Variants in TTN observed in about 807,000 individuals in gnomAD.
TTN encodes connectin.
TTN carries 1,525 observed loss-of-function variants against 3,223.0 expected under a neutral mutation model. The observed-to-expected ratio is 0.47, with a 90% CI of 0.45 to 0.49. The LOEUF (loss-of-function observed/expected upper bound fraction) is 0.49. TTN is among the 20% of genes least tolerant of loss of function. The pLI is 0.00. For missense variants in TTN, 40,786 were observed against 43,424.0 expected, an observed-to-expected ratio of 0.94 and a Z score of 5.40; for synonymous variants, 14,094 against 15,161.0, an observed-to-expected ratio of 0.93 and a Z score of 5.17.
rs2058757156 is a variant in TTN, at chr2:178,624,612, T to C, written c.44668A>G (p.Thr14890Ala). The change falls in exon 242 of 363, where the codon ACA (threonine) becomes GCA (alanine). Residue 14890 changes from threonine (T) to alanine (A), a missense_variant. Thr to Ala is a moderately conservative substitution (Grantham distance 58, BLOSUM62 0). Coordinates refer to ENST00000589042, the MANE Select transcript of TTN (RefSeq NM_001267550.2). ...NAKVKWFKNG[T>A]EILKSKKYEI... The stretch of plus-strand genomic sequence containing the variant: ...TACTTCTTGCTTTTGAGGATTTCTG[T>C]CCCATTTTTGAACCATTTCACCTTA... The C allele has an allele frequency of 6.2e-7, 1 of 1,612,574 alleles. No individual in the cohort carries two copies. Among genetic ancestry groups the C allele is most frequent in the East Asian group, 2.2e-5 (1 of 44,692 alleles).
At position 178,571,686 on chromosome 2, in the gene TTN, C is replaced by T. The variant is rs1304130047; in HGVS notation, c.74446G>A (p.Val24816Ile). 6.2e-7 allele frequency: 1 copy of T among 1,613,500 alleles called. No homozygotes were observed. The highest frequency in any genetic ancestry group is 2.2e-5 in the East Asian group (1 of 44,798). The change falls in exon 326 of 363, where the codon GTT becomes ATT. Residue 24816 changes from valine to isoleucine, a missense_variant. Coordinates refer to ENST00000589042, the MANE Select transcript of TTN (RefSeq NM_001267550.2). ...LDKPGPPTGP[V>I]KMDEVTADSI... ...TCAGCTGTCACTTCATCCATTTTAA[C>T]TGGTCCAGTTGGAGGCCCTGGTTTG...
intron 47 of TTN, among the ~76,000 whole-genome samples, chr2:178,742,149 T>C (rs1263512062): frequency 6.6e-6 from 1 of 152,124 alleles, no homozygotes; most frequent in Non-Finnish European, 1.5e-5. Context: ...TTTGATCCAC[T>C]TCATCTGTGA....
intron 159 of TTN, 59 bp downstream of exon 159, chr2:178,669,313 CA>C: frequency 7.4e-7 from 1 of 1,351,324 alleles, no homozygotes; most frequent in African/African-American, 1.5e-5. Flanking sequence ...AAAAGACAAA[CA>C]TAGTGAATTT....
chr2:178,779,522 A>G (rs1574710807), intron 22 of TTN, 60 bp from the exon 23 acceptor site: 1 of 1,114,672 alleles, frequency 9.0e-7, no homozygotes. Flanking sequence ...AAATTATTTA[A>G]GGAGATGTAT....
At position 178,705,219 on chromosome 2, in the gene TTN, T is replaced by G. The variant is rs878976342; in HGVS notation, c.29559A>C (p.Ala9853=). 2 of 1,613,692 alleles carry G rather than the reference T, an allele frequency of 1.2e-6. No homozygotes were observed. The highest frequency in any genetic ancestry group is 1.7e-6 in the Non-Finnish European group (2 of 1,179,772). The change falls in exon 103 of 363, where the codon GCA becomes GCC. Residue 9853 remains alanine, a synonymous_variant. Transcript: ENST00000589042. ...GITDFRGLLQ[A]FELLKQSQEE... is the part of the protein sequence containing the mutation. ...CTTGGCTTTGCTTGAGCAGTTCAAATGCTTGAAGAAGACCTCGGAAGTCAG... is the reference window on the plus strand; with the variant it reads ...CTTGGCTTTGCTTGAGCAGTTCAAAGGCTTGAAGAAGACCTCGGAAGTCAG...
chr2:178,660,334 T>C (rs2064457213), intron 180 of TTN, among the ~76,000 whole-genome samples: 3 of 20,152 alleles, frequency 1.5e-4, no homozygotes, highest in Middle Eastern at 6.5e-3. Flanking sequence ...AACAGAGATA[T>C]AGACCAATGG....
At chr2:178,594,292 C>T (rs772841893) in intron 296 of TTN, 50 bp from the exon 297 acceptor site, 3 of 1,594,304 alleles carry the variant, frequency 1.9e-6, no homozygotes, top group East Asian at 4.5e-5. Context: ...TGTCTTATTA[C>T]AAATCTACAA....
At chr2:178,734,021 A>G in intron 52 of TTN, 129 bp from the exon 53 acceptor site, 1 of 961,582 alleles carries the variant, frequency 1.0e-6, no homozygotes, top group Non-Finnish European at 1.4e-6. Context: ...TGTTAATTAG[A>G]AGAAGAAATA....
In TTN at chr2:178,590,427, C is replaced by A. The variant is rs1475658626; in HGVS notation, c.61298G>T (p.Arg20433Met). 1 of 1,611,942 alleles carries A rather than the reference C, an allele frequency of 6.2e-7. No individual in the cohort carries two copies. The highest frequency in any genetic ancestry group is 8.5e-7 in the Non-Finnish European group (1 of 1,179,062). The part of the protein sequence containing the change: ...KDELIRQCAF[R>M]VPGLIEGNEY... The stretch of plus-strand genomic sequence containing the variant: ...ATTTCCTTCAATTAGTCCAGGTACC[C>A]TAAAGGCACATTGCCTAATGAGTTC... Residue 20433 changes from arginine (R) to methionine (M), a missense_variant, in exon 304 of 363, where the codon AGG (arginine) becomes ATG (methionine). Physicochemically the swap from Arg to Met is moderately conservative, Grantham distance 91. Transcript: ENST00000589042.
chr2:178,764,325 T>G, intron 42 of TTN, 23 bp from the exon 43 acceptor site: 1 of 1,613,486 alleles, frequency 6.2e-7, no homozygotes, highest in Non-Finnish European at 8.5e-7. Flanking sequence ...ACCACAAGAT[T>G]TGTCATGATT....
At position 178,539,953 on chromosome 2, in the gene TTN, A is replaced by G; in HGVS notation, c.98112T>C (p.Tyr32704=). 1 of 1,612,950 alleles carries G rather than the reference A, an allele frequency of 6.2e-7. No homozygotes were observed. Among genetic ancestry groups the G allele is most frequent in the East Asian group, 2.2e-5 (1 of 44,860 alleles). ...KVTEMLEYPD[Y]ELDERYQEGI... ...CTTCTTGGTATCTTTCATCAAGTTC[A>G]TAATCAGGATATTCTGGAAAAAAAG... Residue 32704 remains tyrosine, a synonymous_variant, in exon 352 of 363, where the codon TAT becomes TAC. Transcript: ENST00000589042.
At position 178,594,340 on chromosome 2, in the gene TTN, A is replaced by G. The variant is rs1302006259; in HGVS notation, c.58150+4T>C. The stretch of plus-strand genomic sequence containing the variant: ...CAGAAGTATAAATTGTAGTAGACAC[A>G]TACCCAGCTCATCCTTGCAAGTAAT... On this transcript the variant is annotated splice_donor_region_variant and intron_variant, in intron 296 of 362. Coordinates refer to ENST00000589042, the MANE Select transcript of TTN (RefSeq NM_001267550.2). 6.3e-7 allele frequency: 1 copy of G among 1,593,044 alleles called. No homozygotes were observed. Among genetic ancestry groups the G allele is most frequent in the Admixed American group, 1.8e-5 (1 of 55,982 alleles).
Position 178,604,867 on chromosome 2 carries a change from A to G in TTN, c.54222T>C (p.Val18074=), listed in dbSNP as rs568765317. The G allele has an allele frequency of 1.5e-5, 24 of 1,612,196 alleles. No individual in the cohort carries two copies. The East Asian group carries it at 4.7e-4, about 32-fold the overall frequency. The change falls in exon 281 of 363, where the codon GTT becomes GTC. Residue 18074 remains valine (V), a synonymous_variant. Transcript: ENST00000589042. The part of the protein sequence containing the change: ...DRPSPPRNLA[V]TDIKAESCYL... ...AGCAAGATTCAGCTTTAATGTCAGT[A>G]ACAGCAAGATTTCTTGGTGGGGATG...
At position 178,536,340 on chromosome 2, in the gene TTN, A is replaced by C. The variant is rs979276403; in HGVS notation, c.100407T>G (p.Cys33469Trp). ...ATTCACTTTCCCCACCTAGATTTTCACATTTCACACGAAACTCGTATTCAA... is the reference window on the plus strand; with the variant it reads ...ATTCACTTTCCCCACCTAGATTTTCCCATTTCACACGAAACTCGTATTCAA... ...EGLEYEFRVK[C>W]ENLGGESEWS... The change falls in exon 357 of 363, where the codon TGT (cysteine) becomes TGG (tryptophan). Residue 33469 changes from cysteine (C) to tryptophan (W), a missense_variant. By Grantham distance (215) the Cys-to-Trp change is radical. Transcript: ENST00000589042. The C allele has an allele frequency of 1.2e-6, 2 of 1,613,668 alleles. No homozygotes were observed. The highest frequency in any genetic ancestry group is 1.7e-5 in the Admixed American group (1 of 59,986).
At chr2:178,755,270 A>G (rs917707100) in intron 46 of TTN, among the ~76,000 whole-genome samples, 2 of 152,200 alleles carry the variant, frequency 1.3e-5, no homozygotes, top group African/African-American at 4.8e-5. Context: ...ATAATGGAGA[A>G]TCAAGCCCAA....
chr2:178,584,186 G>A, intron 311 of TTN, 90 bp downstream of exon 311: 2 of 1,407,108 alleles, frequency 1.4e-6, no homozygotes, highest in Admixed American at 4.6e-5. Context: ...TACTCTCTGT[G>A]TCTTGGAGTC....
chr2:178,607,392 A>G lies in TTN; in HGVS notation c.53287+9T>C, dbSNP rs755211351. On this transcript the variant is annotated intron_variant, in intron 277 of 362. Transcript: ENST00000589042. ...AAAATCCTGTGAAAATCAGTGCAAC[A>G]TTCCTTACCAAAAACTTCTACCCTG... is the stretch of plus-strand genomic sequence containing the variant. The G allele has an allele frequency of 3.7e-6, 6 of 1,613,034 alleles. No homozygotes were observed. The South Asian group carries it at 6.6e-5, about 18-fold the overall frequency.
rs756430663 is a variant in TTN, at chr2:178,722,422, A to G, written c.22365T>C (p.Asp7455=). Residue 7455 remains aspartate (D), a synonymous_variant, in exon 77 of 363, where the codon GAT becomes GAC. Coordinates refer to ENST00000589042, the MANE Select transcript of TTN (RefSeq NM_001267550.2). ...TTTCATCGTCTCTTAAAAGTACTCC[A>G]TCTCTATACCAGCACACTTGGATGG... ...SAPIQVCWYR[D]GVLLRDDENL... 3 of 1,613,464 alleles carry G rather than the reference A, an allele frequency of 1.9e-6. No homozygotes were observed. The highest frequency in any genetic ancestry group is 2.2e-5 in the South Asian group (2 of 91,058).
At position 178,650,822 on chromosome 2, in the gene TTN, G is replaced by A. The variant is rs1166670833; in HGVS notation, c.39638C>T (p.Pro13213Leu). The change falls in exon 209 of 363, where the codon CCA becomes CTA. Residue 13213 changes from proline to leucine, a missense_variant. Physicochemically the swap from Pro to Leu is moderately conservative, Grantham distance 98. Coordinates refer to ENST00000589042, the MANE Select transcript of TTN (RefSeq NM_001267550.2). ...EVPPAKVPEV[P>L]KKPVLEEKPA... The stretch of plus-strand genomic sequence containing the variant: ...TTTCTCTTCCAAGACAGGTTTCTTT[G>A]GCACTTCTGGCACTTTAAAGATATT... 6.2e-7 allele frequency: 1 copy of A among 1,603,796 alleles called. No homozygotes were observed. The highest frequency in any genetic ancestry group is 2.3e-5 in the East Asian group (1 of 44,434).
Sources: gnomAD v4.1 joint callset for allele counts (sites outside exome capture counted in the v4.1 genomes callset) on GRCh38, gnomAD v4.1.1 for gene constraint, MANE v1.5 for transcripts, NCBI Gene and HGNC (gene_info 2026-07-23, HGNC 2026-07-21) for gene names.